The following NHS variants were observed in gnomAD, a reference collection of about 807,000 sequenced individuals.
NHS encodes the protein actin remodeling regulator NHS.
NHS carries 5 observed loss-of-function variants against 72.5 expected under a neutral mutation model. That is an observed-to-expected ratio of 0.07 (90% CI 0.04 to 0.14). The LOEUF is 0.14. Ranked by LOEUF, NHS falls within the 10% of genes least tolerant of loss-of-function variation. The pLI is 1.00. For synonymous variants in NHS, 464 were observed against 547.7 expected (o/e 0.85, Z 2.13); for missense variants, 1,072 against 1,355.7 (o/e 0.79, Z 3.29).
chrX:17,436,573 C>T lies in NHS; in HGVS notation c.565+60251C>T, dbSNP rs1022350692. ...GTGATTATTTCTGTGTCATATACTG[C>T]AGCCATTTTGCCGGGAGATTCTTGA... On this transcript the variant is annotated intron_variant, in intron 1 of 8. Coordinates refer to ENST00000676302, the MANE Select transcript of NHS (RefSeq NM_001291867.2). Among the ~76,000 whole-genome samples, 6 of 106,344 alleles carry T rather than the reference C, an allele frequency of 5.6e-5. No homozygotes were observed. The Admixed American group carries it at 6.1e-4, about 11-fold the overall frequency. 92.3% of individuals were successfully genotyped at this position (106,344 alleles called of 115,157 possible). A position where few individuals can be genotyped will look rare whatever the true frequency, so the allele number is the denominator to read the frequency against.
intron 1 of NHS, among the ~76,000 whole-genome samples, chrX:17,600,850 G>A (rs191056256): frequency 2.7e-5 from 3 of 111,222 alleles, no homozygotes; most frequent in African/African-American, 9.8e-5. Context: ...ATGAGAATAT[G>A]AGTGGGAGCT....
At chrX:17,690,238 T>C (rs1056192101) in intron 2 of NHS, among the ~76,000 whole-genome samples, 4 of 112,636 alleles carry the variant, frequency 3.6e-5, no homozygotes, top group Non-Finnish European at 7.5e-5. Flanking sequence ...TTTTTAACCT[T>C]GTCCAAGAAA....
chrX:17,719,067 A>AAGGG (rs1354635005), intron 3 of NHS, among the ~76,000 whole-genome samples: 1 of 96,642 alleles, frequency 1.0e-5, no homozygotes, highest in Admixed American at 1.1e-4. Context: ...GGGAAGGAAG[A>AAGGG]AGGGAGGAAG....
intron 1 of NHS, among the ~76,000 whole-genome samples, chrX:17,541,456 C>T (rs924800348): frequency 8.9e-6 from 1 of 112,020 alleles, no homozygotes; most frequent in East Asian, 2.8e-4. Flanking sequence ...TAGTAACATA[C>T]TGGGAGTGGG....
chrX:17,382,663 C>T (rs1000541681), intron 1 of NHS, among the ~76,000 whole-genome samples: 2 of 112,223 alleles, frequency 1.8e-5, no homozygotes, highest in African/African-American at 6.5e-5. Flanking sequence ...ATTGAAAAGA[C>T]CATCATTTCC....
At chrX:17,616,375 G>A (rs2065747199) in intron 1 of NHS, among the ~76,000 whole-genome samples, 1 of 112,441 alleles carries the variant, frequency 8.9e-6, no homozygotes, top group Non-Finnish European at 1.9e-5. Flanking sequence ...ATCTGCTTGT[G>A]CAAATCTCTT....
intron 3 of NHS, among the ~76,000 whole-genome samples, chrX:17,715,025 T>A (rs766880414): frequency 8.9e-6 from 1 of 112,390 alleles, no homozygotes; most frequent in East Asian, 2.8e-4. Flanking sequence ...TTAAGGTTTT[T>A]AAAAAAATAT....
intron 1 of NHS, among the ~76,000 whole-genome samples, chrX:17,658,053 T>TG (rs1422841249): frequency 8.9e-6 from 1 of 112,452 alleles, no homozygotes; most frequent in East Asian, 2.8e-4. Context: ...CCGCCTGGAA[T>TG]GGAGATAGGA....
intron 3 of NHS, among the ~76,000 whole-genome samples, chrX:17,703,867 T>C (rs369909225): frequency 1.8e-5 from 2 of 111,900 alleles, no homozygotes; most frequent in East Asian, 5.7e-4. Flanking sequence ...GGAGGCTCAA[T>C]AGAGTGCCCA....
intron 1 of NHS, among the ~76,000 whole-genome samples, chrX:17,555,746 T>C (rs1289565880): frequency 9.0e-6 from 1 of 111,485 alleles, no homozygotes; most frequent in Admixed American, 9.5e-5. Context: ...TCCTAGGTCC[T>C]AAGGGATTTG....
At chrX:17,621,672 C>T (rs1022158614) in intron 1 of NHS, among the ~76,000 whole-genome samples, 3 of 111,502 alleles carry the variant, frequency 2.7e-5, no homozygotes, top group Non-Finnish European at 3.8e-5. Flanking sequence ...CCTCAGAGAT[C>T]TTCCCCTTCC....
intron 3 of NHS, among the ~76,000 whole-genome samples, chrX:17,712,393 C>CATATATATATATATAT (rs3074204): frequency 1.2e-5 from 1 of 81,440 alleles, no homozygotes; most frequent in African/African-American, 5.2e-5. Flanking sequence ...CACACACACA[C>CATATATATATATATAT]ATATATATAT....
chrX:17,544,497 ATACT>A (rs1483596900), intron 1 of NHS, among the ~76,000 whole-genome samples: 1 of 112,144 alleles, frequency 8.9e-6, no homozygotes. Flanking sequence ...TCCAATAAAA[ATACT>A]TTATTTATTT....
chrX:17,640,587 T>G (rs975120572), intron 1 of NHS, among the ~76,000 whole-genome samples: 4 of 112,229 alleles, frequency 3.6e-5, no homozygotes. Flanking sequence ...CCTTTCTTGA[T>G]CCCACCTTTG....
intron 1 of NHS, among the ~76,000 whole-genome samples, chrX:17,461,178 G>T (rs1235070469): frequency 8.9e-6 from 1 of 112,116 alleles, no homozygotes; most frequent in Non-Finnish European, 1.9e-5. Context: ...GGGCCACACA[G>T]AATTCCATGT....
intron 1 of NHS, among the ~76,000 whole-genome samples, chrX:17,479,459 G>C (rs763212382): frequency 2.2e-4 from 25 of 112,177 alleles, no homozygotes; most frequent in Non-Finnish European, 4.5e-4. Context: ...TCTGGTTCTA[G>C]ATCCTTGAGG....
intron 1 of NHS, among the ~76,000 whole-genome samples, chrX:17,608,671 CTTT>C (rs774714519): frequency 2.0e-5 from 2 of 99,805 alleles, no homozygotes; most frequent in Non-Finnish European, 2.1e-5. Context: ...AATGAAAAGA[CTTT>C]TTTTTTTTTT....
chrX:17,644,881 A>G (rs1347760896), intron 1 of NHS, among the ~76,000 whole-genome samples: 1 of 110,931 alleles, frequency 9.0e-6, no homozygotes, highest in African/African-American at 3.3e-5. Context: ...GTATCTCGGG[A>G]GTATGCATAA....
rs777047610 is a variant in NHS at position 17,603,588 on chromosome X, T to G, written c.566-84154T>G. Reference sequence around the variant, plus strand: ...TCTCACCAATGCCTACCAAACCTACTATACAGTTAGACATTTCTTCATTTA... The same window carrying G: ...TCTCACCAATGCCTACCAAACCTACGATACAGTTAGACATTTCTTCATTTA... On this transcript the variant is annotated intron_variant, in intron 1 of 8. Coordinates refer to ENST00000676302, the MANE Select transcript of NHS (RefSeq NM_001291867.2). Among the ~76,000 whole-genome samples, 15 of 112,216 alleles carry G rather than the reference T, an allele frequency of 1.3e-4. 1 individual carries two copies. The South Asian group carries it at 4.9e-3, about 36-fold the overall frequency.
Sources: gnomAD v4.1 joint callset for allele counts (sites outside exome capture counted in the v4.1 genomes callset) on GRCh38, gnomAD v4.1.1 for gene constraint, MANE v1.5 for transcripts, NCBI Gene and HGNC (gene_info 2026-07-23, HGNC 2026-07-21) for gene names.